The following MESD variants were observed in gnomAD, a reference collection of about 807,000 sequenced individuals.
MESD encodes the protein mesoderm development LRP chaperone, also known as LRP chaperone MESD.
MESD carries 7 observed loss-of-function variants against 12.9 expected under a neutral mutation model. That is an observed-to-expected ratio of 0.54 (90% CI 0.31 to 1.02). The LOEUF (loss-of-function observed/expected upper bound fraction) is 1.02, where lower values mean the gene tolerates loss of function less well. Ranked by LOEUF, MESD falls within the 50% of genes least tolerant of loss-of-function variation. The pLI, the probability that MESD is intolerant of heterozygous loss-of-function variation, is 0.05. For missense variants in MESD, 342 were observed against 296.7 expected, an observed-to-expected ratio of 1.15 and a Z score of -1.12; for synonymous variants, 126 against 115.6, an observed-to-expected ratio of 1.09 and a Z score of -0.58.
rs7165424 is a variant in MESD, at chr15:80,976,374, A to G, written c.*2845T>C. 0.24 allele frequency: 36,281 copies of G among 152,248 alleles called. 4,823 individuals carry two copies. The highest frequency in any genetic ancestry group is 0.37 in the Middle Eastern group (108 of 294). The allele number at this position is 152,248 out of a possible 1,614,324, so 9.4% of individuals were successfully genotyped here. On this transcript the variant is annotated 3_prime_UTR_variant, in exon 3 of 3. Transcript: ENST00000261758. ...ATGTTGGCTCCCCTCAGTGTCAACTAGGATTGCTTGAAGGCTGGGGCTGGA... is the reference window on the plus strand; with the variant it reads ...ATGTTGGCTCCCCTCAGTGTCAACTGGGATTGCTTGAAGGCTGGGGCTGGA...
intron 1 of MESD, among the ~76,000 whole-genome samples, chr15:80,989,289 G>A (rs893614098): frequency 6.6e-6 from 1 of 152,292 alleles, no homozygotes; most frequent in African/African-American, 2.4e-5. Context: ...AAGGGTGAAG[G>A]GAGAGCAAAG....
At chr15:80,960,359 T>C (rs1432600653) in intron 3 of MESD, among the ~76,000 whole-genome samples, 2 of 141,090 alleles carry the variant, frequency 1.4e-5, no homozygotes, top group South Asian at 2.2e-4. Flanking sequence ...GACAACATCC[T>C]GTGTTTAAAA....
intron 4 of MESD, chr15:80,950,339 C>T (rs145481335): frequency 6.6e-6 from 1 of 152,474 alleles, no homozygotes; most frequent in Non-Finnish European, 1.5e-5. Context: ...CAACAACCGG[C>T]CCCAGAGTGC....
At chr15:80,981,748 G>A (rs542707248) in intron 2 of MESD, among the ~76,000 whole-genome samples, 6 of 152,156 alleles carry the variant, frequency 3.9e-5, no homozygotes, top group Admixed American at 2.0e-4. Context: ...CCAGCTACTC[G>A]GGAGGCTGAG....
Position 80,977,804 on chromosome 15 carries a change from G to T in MESD, c.*1415C>A, listed in dbSNP as rs1028510062. 2 of 152,230 alleles carry T rather than the reference G, an allele frequency of 1.3e-5. No homozygotes were observed. Among genetic ancestry groups the T allele is most frequent in the African/African-American group, 4.8e-5 (2 of 41,428 alleles). The allele number at this position is 152,230 out of a possible 1,614,324, so 9.4% of individuals were successfully genotyped here. A position where few individuals can be genotyped will look rare whatever the true frequency, so the allele number is the denominator to read the frequency against. ...CCGCTCCAGGTTCAAGATGCAGGAGGAACAAGAAAAGCCTCTTTCAGGGCC... is the reference window on the plus strand; with the variant it reads ...CCGCTCCAGGTTCAAGATGCAGGAGTAACAAGAAAAGCCTCTTTCAGGGCC... On this transcript the variant is annotated 3_prime_UTR_variant, in exon 3 of 3. Coordinates refer to ENST00000261758, the MANE Select transcript of MESD (RefSeq NM_015154.3).
At chr15:80,953,653 G>A (rs1901901125) in intron 3 of MESD, among the ~76,000 whole-genome samples, 1 of 152,168 alleles carries the variant, frequency 6.6e-6, no homozygotes, top group Admixed American at 6.5e-5. Context: ...GTGAAGAAGG[G>A]CAAAGAACAT....
At chr15:80,955,823 T>C (rs928944976) in intron 3 of MESD, among the ~76,000 whole-genome samples, 4 of 151,834 alleles carry the variant, frequency 2.6e-5, no homozygotes, top group African/African-American at 9.7e-5. Context: ...GTTTTCGCCA[T>C]GTTGGCCAGG....
In MESD at chr15:80,978,142, G is replaced by A. The variant is rs552293727; in HGVS notation, c.*1077C>T. The A allele has an allele frequency of 4.6e-5, 7 of 152,164 alleles. No homozygotes were observed. The highest frequency in any genetic ancestry group is 1.9e-4 in the East Asian group (1 of 5,180). 9.4% of individuals were successfully genotyped at this position (152,164 alleles called of 1,614,324 possible). Reference sequence around the variant, plus strand: ...TCCACTGGGACAAGCTACCACCGGCGGCAAGAGAGGGATACACTTTTCACT... The same window carrying A: ...TCCACTGGGACAAGCTACCACCGGCAGCAAGAGAGGGATACACTTTTCACT... On this transcript the variant is annotated 3_prime_UTR_variant, in exon 3 of 3. Coordinates refer to ENST00000261758, the MANE Select transcript of MESD (RefSeq NM_015154.3).
At chr15:80,948,711 G>A in exon 5 of MESD, 1 of 1,579,106 alleles carries the variant, frequency 6.3e-7, no homozygotes. Context: ...GGGCGTGGGG[G>A]GCTGGCGATG....
At chr15:80,987,866 C>T (rs976359562) in intron 1 of MESD, among the ~76,000 whole-genome samples, 11 of 152,056 alleles carry the variant, frequency 7.2e-5, no homozygotes, top group East Asian at 1.9e-4. Flanking sequence ...GGCTCACGCC[C>T]GTAATCCCAA....
Position 80,989,715 on chromosome 15 carries a change from A to G in MESD, c.77T>C (p.Leu26Pro), listed in dbSNP as rs1400245496. ...GGCCGCGCAGGACCCAGGCGGTGGTAGCAGTAGCAGCAGCAGCAGCAGGTC... is the reference window on the plus strand; with the variant it reads ...GGCCGCGCAGGACCCAGGCGGTGGTGGCAGTAGCAGCAGCAGCAGCAGGTC... The part of the protein sequence containing the change: ...ASDLLLLLLL[L>P]PPPGSCAAEG... The change falls in exon 1 of 3, where the codon CTA becomes CCA. Residue 26 changes from leucine to proline, a missense_variant. Transcript: ENST00000261758. 5.6e-6 allele frequency: 9 copies of G among 1,608,712 alleles called. No homozygotes were observed. The highest frequency in any genetic ancestry group is 7.6e-6 in the Non-Finnish European group (9 of 1,179,896).
At chr15:80,989,489 A>T in intron 1 of MESD, 90 bp downstream of exon 1, 1 of 1,427,174 alleles carries the variant, frequency 7.0e-7, no homozygotes, top group Non-Finnish European at 9.6e-7. Context: ...TTAGGGGGTC[A>T]GAAAGGTCCC....
chr15:80,959,258 G>T (rs1350009096), intron 3 of MESD, among the ~76,000 whole-genome samples: 4 of 152,222 alleles, frequency 2.6e-5, no homozygotes, highest in African/African-American at 9.6e-5. Context: ...CTCGCCCAGA[G>T]ATGACCGAAG....
chr15:80,956,120 G>C (rs942145566), intron 3 of MESD, among the ~76,000 whole-genome samples: 1 of 152,098 alleles, frequency 6.6e-6, no homozygotes, highest in African/African-American at 2.4e-5. Flanking sequence ...AGCCTGGAAG[G>C]TAGAGTCTGT....
chr15:80,985,639 C>CTTTTTTTTTTT (rs11425497), intron 1 of MESD, among the ~76,000 whole-genome samples: 8 of 89,046 alleles, frequency 9.0e-5, no homozygotes, highest in African/African-American at 2.8e-4. Context: ...TCCCAAGCAG[C>CTTTTTTTTTTT]TTTTTTTTTT....
Position 80,982,005 on chromosome 15 carries a change from C to T in MESD, c.391G>A (p.Glu131Lys), listed in dbSNP as rs1181520926. ...CTGCCCTGCCAGAGGCTCGTAATTT[C>T]CTCTGTCTCCTTCTCAGTAGGGCTT... ...SGSPTEKETEEITSLWQGSLF... is the reference protein window; with the variant it reads ...SGSPTEKETEKITSLWQGSLF... The change falls in exon 2 of 3, where the codon GAA becomes AAA. Residue 131 changes from glutamate to lysine, a missense_variant. Physicochemically the swap from Glu to Lys is moderately conservative, Grantham distance 56. Transcript: ENST00000261758. The T allele has an allele frequency of 2.4e-5, 39 of 1,614,040 alleles. No homozygotes were observed. Among genetic ancestry groups the T allele is most frequent in the Non-Finnish European group, 3.3e-5 (39 of 1,180,042 alleles).
At chr15:80,970,823 G>C (rs912750734), downstream of MESD, among the ~76,000 whole-genome samples, 3 of 152,164 alleles carry the variant, frequency 2.0e-5, no homozygotes, top group Non-Finnish European at 4.4e-5. Flanking sequence ...AGCAGGATGG[G>C]GGCAGTAGAT....
At chr15:80,954,493 T>C (rs1224119302) in intron 3 of MESD, among the ~76,000 whole-genome samples, 1 of 152,042 alleles carries the variant, frequency 6.6e-6, no homozygotes, top group Non-Finnish European at 1.5e-5. Context: ...GAGTAGGATG[T>C]GGGTGGTGGG....
chr15:80,947,042 C>G (rs770505337), downstream of MESD: 3 of 1,613,528 alleles, frequency 1.9e-6, no homozygotes, highest in Admixed American at 3.3e-5. Flanking sequence ...AAGCTTGGGG[C>G]AGACAGGGGT....
Sources: gnomAD v4.1 joint callset for allele counts (sites outside exome capture counted in the v4.1 genomes callset) on GRCh38, gnomAD v4.1.1 for gene constraint, MANE v1.5 for transcripts, NCBI Gene and HGNC (gene_info 2026-07-23, HGNC 2026-07-21) for gene names.